Variants in COL11A2 observed in about 807,000 individuals in gnomAD.
COL11A2 encodes the protein collagen type XI alpha 2 chain.
A neutral mutation model predicts 273.4 loss-of-function variants in COL11A2; 116 were observed. The observed-to-expected ratio is 0.42, with a 90% CI of 0.36 to 0.49. The LOEUF (loss-of-function observed/expected upper bound fraction) is 0.49, where lower values mean the gene tolerates loss of function less well. Among genes scored for constraint, COL11A2 ranks in the 20% least tolerant of loss-of-function variants. The pLI is 0.00. For synonymous variants in COL11A2, 782 were observed against 864.2 expected, an observed-to-expected ratio of 0.90 and a Z score of 1.67; for missense variants, 1,866 against 2,309.0, an observed-to-expected ratio of 0.81 and a Z score of 3.93.
At position 33,178,811 on chromosome 6, in the gene COL11A2, G is replaced by C; in HGVS notation, c.1666-79C>G. The stretch of plus-strand genomic sequence containing the variant: ...CCTCCCTACTGCACCCTGAGCTGGG[G>C]GGGTGCTGATCCTGGGGAAGCCTGG... On this transcript the variant is annotated intron_variant, in intron 17 of 65. Coordinates refer to ENST00000341947, the MANE Select transcript of COL11A2 (RefSeq NM_080680.3). The surrounding 1 kb of genome is among the most constrained non-coding windows in gnomAD (Gnocchi z 4.6). The C allele has an allele frequency of 1.2e-6, 2 of 1,604,428 alleles. No homozygotes were observed. Among genetic ancestry groups the C allele is most frequent in the Non-Finnish European group, 1.7e-6 (2 of 1,172,338 alleles).
chr6:33,180,562 T>C, intron 11 of COL11A2, 106 bp downstream of exon 11: 1 of 1,133,398 alleles, frequency 8.8e-7, no homozygotes, highest in Middle Eastern at 2.9e-4. Flanking sequence ...ATCCCCTCAT[T>C]CATTAACAAG....
At chr6:33,172,841 G>A in intron 38 of COL11A2, among the ~76,000 whole-genome samples, 1 of 152,098 alleles carries the variant, frequency 6.6e-6, no homozygotes, top group East Asian at 1.9e-4. Context: ...TTGTGTCTCT[G>A]TTGGGGAACT....
Position 33,170,027 on chromosome 6 carries a change from C to G in COL11A2, c.3636+20G>C, listed in dbSNP as rs552422097. 1 of 1,613,274 alleles carries G rather than the reference C, an allele frequency of 6.2e-7. No homozygotes were observed. The highest frequency in any genetic ancestry group is 8.5e-7 in the Non-Finnish European group (1 of 1,179,970). On this transcript the variant is annotated intron_variant, in intron 49 of 65. Transcript: ENST00000341947. The surrounding 1 kb of genome is among the most constrained non-coding windows in gnomAD (Gnocchi z 4.3). ...ATCCCCCACTTCCATGACTGGTCCA[C>G]TCACCCCCTTCCCAGTTACCTTCTC...
In COL11A2 at chr6:33,179,513, C is replaced by T. The variant is rs990265015; in HGVS notation, c.1447-26G>A. ...CTAGGGGAGCAGGGGGACAGCAGAGCTGAGGGACAGGCAGTGGGAACCCCC... is the reference window on the plus strand; with the variant it reads ...CTAGGGGAGCAGGGGGACAGCAGAGTTGAGGGACAGGCAGTGGGAACCCCC... On this transcript the variant is annotated intron_variant, in intron 13 of 65. Coordinates refer to ENST00000341947, the MANE Select transcript of COL11A2 (RefSeq NM_080680.3). This position sits in a 1 kb window ranked among gnomAD's most constrained non-coding sequence, Gnocchi z 6.4. 1.1e-5 allele frequency: 17 copies of T among 1,550,358 alleles called. No homozygotes were observed. Among genetic ancestry groups the T allele is most frequent in the Non-Finnish European group, 1.4e-5 (16 of 1,144,894 alleles).
intron 8 of COL11A2, among the ~76,000 whole-genome samples, chr6:33,182,603 C>A (rs961101608): frequency 1.3e-5 from 2 of 150,476 alleles, no homozygotes; most frequent in Non-Finnish European, 3.0e-5. Flanking sequence ...CCCAGCTACT[C>A]GGGAGGCTGA....
In COL11A2 at chr6:33,166,352, C is replaced by A; in HGVS notation, c.4393-146G>T. ...GTGGGAATACTAGGACATTCAGAGCCCTGGAAGTATGGGGAGGAGGTACTG... is the reference window on the plus strand; with the variant it reads ...GTGGGAATACTAGGACATTCAGAGCACTGGAAGTATGGGGAGGAGGTACTG... On this transcript the variant is annotated intron_variant, in intron 60 of 65. Transcript: ENST00000341947. The surrounding 1 kb of genome is among the most constrained non-coding windows in gnomAD (Gnocchi z 4.8). 1 of 1,287,696 alleles carries A rather than the reference C, an allele frequency of 7.8e-7. No individual in the cohort carries two copies. Among genetic ancestry groups the A allele is most frequent in the South Asian group, 1.4e-5 (1 of 71,534 alleles). The allele number at this position is 1,287,696 out of a possible 1,614,324, so 79.8% of individuals were successfully genotyped here.
rs1029142639 is a variant in COL11A2, at chr6:33,192,156, T to C, written c.82+3A>G. 6.4e-7 allele frequency: 1 copy of C among 1,555,220 alleles called. No homozygotes were observed. The highest frequency in any genetic ancestry group is 8.7e-7 in the Non-Finnish European group (1 of 1,149,226). ...AGGACCCAGGCATCAGGACTCCTCT[T>C]ACCTGCCCAGCCTGGGGCCGCGCTC... On this transcript the variant is annotated splice_donor_region_variant and intron_variant, in intron 1 of 65. Coordinates refer to ENST00000341947, the MANE Select transcript of COL11A2 (RefSeq NM_080680.3).
rs761567612 is a variant in COL11A2, at chr6:33,166,010, G to A, written c.4429-26C>T. On this transcript the variant is annotated intron_variant, in intron 61 of 65. Coordinates refer to ENST00000341947, the MANE Select transcript of COL11A2 (RefSeq NM_080680.3). This position sits in a 1 kb window ranked among gnomAD's most constrained non-coding sequence, Gnocchi z 4.8. The stretch of plus-strand genomic sequence containing the variant: ...CTGACAAGGAATAAATCAGGTCATG[G>A]AGGGGTCAAGAGGTCAAGCATGGAT... 1.2e-6 allele frequency: 2 copies of A among 1,613,796 alleles called. No homozygotes were observed. Among genetic ancestry groups the A allele is most frequent in the Admixed American group, 3.3e-5 (2 of 60,000 alleles).
Position 33,192,328 on chromosome 6 carries a change from A to C in COL11A2, c.-88T>G. 1.5e-6 allele frequency: 2 copies of C among 1,299,372 alleles called. No homozygotes were observed. Among genetic ancestry groups the C allele is most frequent in the Non-Finnish European group, 2.2e-6 (2 of 925,238 alleles). The allele number at this position is 1,299,372 out of a possible 1,614,324, so 80.5% of individuals were successfully genotyped here. A position where few individuals can be genotyped will look rare whatever the true frequency, so the allele number is the denominator to read the frequency against. On this transcript the variant is annotated 5_prime_UTR_variant, in exon 1 of 66. Coordinates refer to ENST00000341947, the MANE Select transcript of COL11A2 (RefSeq NM_080680.3). ...GAGGCTGACAGAAGACAGGGAGCAG[A>C]CTATGAGCCTCAGACGCCGGGGTCC...
chr6:33,177,525 A>G lies in COL11A2; in HGVS notation c.1918-60T>C. ...GATGGAGATAGAACACATTTAGAGC[A>G]TGGAGCTGAGTCCCAGCAGCGATAG... On this transcript the variant is annotated intron_variant, in intron 22 of 65. Transcript: ENST00000341947. The surrounding 1 kb of genome is among the most constrained non-coding windows in gnomAD (Gnocchi z 5.9). 1 of 1,598,562 alleles carries G rather than the reference A, an allele frequency of 6.3e-7. No individual in the cohort carries two copies. The highest frequency in any genetic ancestry group is 1.1e-5 in the South Asian group (1 of 90,504).
In COL11A2 at chr6:33,169,917, C is replaced by T; in HGVS notation, c.3637-33G>A. On this transcript the variant is annotated intron_variant, in intron 49 of 65. Transcript: ENST00000341947. The surrounding 1 kb of genome is among the most constrained non-coding windows in gnomAD (Gnocchi z 5.5). ...GAGATTAGAGTCAAAAACCTCCTCT[C>T]CTTCCCCAGCCAAAAAATTCTGATA... 6.2e-7 allele frequency: 1 copy of T among 1,614,064 alleles called. No homozygotes were observed. The highest frequency in any genetic ancestry group is 8.5e-7 in the Non-Finnish European group (1 of 1,179,920).
At position 33,165,497 on chromosome 6, in the gene COL11A2, C is replaced by T. The variant is rs966128013; in HGVS notation, c.4750+52G>A. 7 of 1,604,418 alleles carry T rather than the reference C, an allele frequency of 4.4e-6. No individual in the cohort carries two copies. In the African/African-American group the frequency reaches 9.4e-5, roughly 21 times the overall value. On this transcript the variant is annotated intron_variant, in intron 63 of 65. Coordinates refer to ENST00000341947, the MANE Select transcript of COL11A2 (RefSeq NM_080680.3). The surrounding 1 kb of genome is among the most constrained non-coding windows in gnomAD (Gnocchi z 7.7). ...TCCCCCAGCATCCATTCTGCTTGTTCAGTACCCATGCTGTTGGGGAGATGT... is the reference window on the plus strand; with the variant it reads ...TCCCCCAGCATCCATTCTGCTTGTTTAGTACCCATGCTGTTGGGGAGATGT...
rs1769241334 is a variant in COL11A2 at position 33,166,950 on chromosome 6, G to A, written c.4230+120C>T. 6.6e-7 allele frequency: 1 copy of A among 1,517,564 alleles called. No individual in the cohort carries two copies. Among genetic ancestry groups the A allele is most frequent in the East Asian group, 2.3e-5 (1 of 42,558 alleles). The allele number at this position is 1,517,564 out of a possible 1,614,324, so 94.0% of individuals were successfully genotyped here. A position where few individuals can be genotyped will look rare whatever the true frequency, so the allele number is the denominator to read the frequency against. On this transcript the variant is annotated intron_variant, in intron 58 of 65. Transcript: ENST00000341947. The surrounding 1 kb of genome is among the most constrained non-coding windows in gnomAD (Gnocchi z 4.8). The stretch of plus-strand genomic sequence containing the variant: ...TCCGTGAGTGGCCCTCACTGAGCAG[G>A]GACTCCCTGGGACTGGCTGCCGGAG...
rs1477724137 is a variant in COL11A2 at position 33,166,180 on chromosome 6, T to C, written c.4419A>G (p.Lys1473=). The C allele has an allele frequency of 1.2e-6, 2 of 1,605,528 alleles. No homozygotes were observed. The highest frequency in any genetic ancestry group is 8.5e-7 in the Non-Finnish European group (1 of 1,176,706). Residue 1473 remains lysine (K), a synonymous_variant, in exon 61 of 66, where the codon AAA becomes AAG. Transcript: ENST00000341947. This position sits in a 1 kb window ranked among gnomAD's most constrained non-coding sequence, Gnocchi z 4.8. ...LPGPAGPKGA[K]GATGPGGPKG... is the part of the protein sequence containing the mutation. Reference sequence around the variant, plus strand: ...GAAGGGGGTCACTCACTGTGGCTCCTTTGGCTCCTTTGGGGCCAGCAGGTC... The same window carrying C: ...GAAGGGGGTCACTCACTGTGGCTCCCTTGGCTCCTTTGGGGCCAGCAGGTC...
At chr6:33,172,761 G>A (rs887577634) in intron 38 of COL11A2, 124 bp from the exon 39 acceptor site, 2 of 911,498 alleles carry the variant, frequency 2.2e-6, no homozygotes, top group Admixed American at 4.0e-5. Flanking sequence ...CAAAGCTCCT[G>A]GGAAATTCCC....
chr6:33,184,899 A>AG, intron 7 of COL11A2, 93 bp downstream of exon 7: 1 of 1,038,536 alleles, frequency 9.6e-7, no homozygotes, highest in Non-Finnish European at 1.5e-6. Context: ...CGGCCAGAGG[A>AG]GGGGCTGGTC....
chr6:33,192,367 G>A lies in COL11A2; in HGVS notation c.-127C>T. The A allele has an allele frequency of 3.2e-6, 3 of 949,914 alleles. No homozygotes were observed. The highest frequency in any genetic ancestry group is 2.8e-5 in the South Asian group (2 of 71,772). The allele number at this position is 949,914 out of a possible 1,614,324, so 58.8% of individuals were successfully genotyped here. Reference sequence around the variant, plus strand: ...ACGCCGGGGTCCCAGGGAGGTCAGAGGCTGCGGGCAGCGACAGCTGTCAGC... The same window carrying A: ...ACGCCGGGGTCCCAGGGAGGTCAGAAGCTGCGGGCAGCGACAGCTGTCAGC... On this transcript the variant is annotated 5_prime_UTR_variant, in exon 1 of 66. Coordinates refer to ENST00000341947, the MANE Select transcript of COL11A2 (RefSeq NM_080680.3).
chr6:33,173,933 A>G lies in COL11A2; in HGVS notation c.2530-7T>C. 6.2e-7 allele frequency: 1 copy of G among 1,613,992 alleles called. No individual in the cohort carries two copies. ...CCCGCTGACCCCGTGGACCCTACAG[A>G]GGGAAGAGGAGTTGTCAGAGAAACC... On this transcript the variant is annotated splice_region_variant and splice_polypyrimidine_tract_variant and intron_variant, in intron 33 of 65. Transcript: ENST00000341947. This position sits in a 1 kb window ranked among gnomAD's most constrained non-coding sequence, Gnocchi z 6.3.
chr6:33,189,590 C>T lies in COL11A2; in HGVS notation c.83-121G>A. On this transcript the variant is annotated intron_variant, in intron 1 of 65. Transcript: ENST00000341947. This position sits in a 1 kb window ranked among gnomAD's most constrained non-coding sequence, Gnocchi z 5.6. ...AAACTCCCTGCAAGGGAAAGGTCAC[C>T]TCACCCTCACTTGCTTCTGAACAGT... 2.4e-6 allele frequency: 3 copies of T among 1,268,710 alleles called. No individual in the cohort carries two copies. Among genetic ancestry groups the T allele is most frequent in the Admixed American group, 4.2e-5 (2 of 48,166 alleles). The allele number at this position is 1,268,710 out of a possible 1,614,324, so 78.6% of individuals were successfully genotyped here. A position where few individuals can be genotyped will look rare whatever the true frequency, so the allele number is the denominator to read the frequency against.
Sources: allele counts gnomAD v4.1 joint callset (sites outside exome capture counted in the v4.1 genomes callset), GRCh38; gene constraint gnomAD v4.1.1; non-coding constraint Gnocchi (gnomAD v3.1); transcripts MANE v1.5; gene names NCBI Gene and HGNC (gene_info 2026-07-23, HGNC 2026-07-21).